DBT: variants seen among roughly 807,000 people sequenced by gnomAD.
DBT encodes dihydrolipoamide branched chain transacylase E2.
In DBT, 40 loss-of-function variants were observed where a neutral mutation model predicts 51.3. That is an observed-to-expected ratio of 0.78 (90% CI 0.61 to 1.02). The LOEUF (loss-of-function observed/expected upper bound fraction) is 1.02. Ranked by LOEUF, DBT falls within the 50% of genes least tolerant of loss-of-function variation. DBT has a pLI of 0.00. For synonymous variants in DBT, 181 were observed against 190.4 expected (o/e 0.95, Z 0.41); for missense variants, 510 against 580.2 (o/e 0.88, Z 1.24).
chr1:100,213,246 C>T (rs1030790377), intron 7 of DBT: 4 of 1,192,676 alleles, frequency 3.4e-6, no homozygotes, highest in Non-Finnish European at 4.3e-6. Flanking sequence ...CCACCCGGGG[C>T]GTGCGCCGCG....
intron 10 of DBT, among the ~76,000 whole-genome samples, chr1:100,201,257 A>T (rs567959077): frequency 6.6e-6 from 1 of 152,206 alleles, no homozygotes; most frequent in South Asian, 2.1e-4. Flanking sequence ...CGTGAAGCAT[A>T]CACAAGTATC....
intron 4 of DBT, among the ~76,000 whole-genome samples, chr1:100,228,151 G>A (rs1663331432): frequency 6.6e-6 from 1 of 152,070 alleles, no homozygotes; most frequent in African/African-American, 2.4e-5. Context: ...AGCCCAGCCT[G>A]AATTCAGCCT....
chr1:100,233,645 C>G (rs1235744081), intron 3 of DBT, among the ~76,000 whole-genome samples: 1 of 152,202 alleles, frequency 6.6e-6, no homozygotes, highest in Non-Finnish European at 1.5e-5. Context: ...AAAAAGTACA[C>G]TCACCAGCAG....
chr1:100,235,306 A>AT, intron 3 of DBT, 130 bp downstream of exon 3: 1 of 584,064 alleles, frequency 1.7e-6, no homozygotes, highest in Middle Eastern at 4.9e-4. Flanking sequence ...AAAATGCATT[A>AT]TGTGTTTATA....
chr1:100,235,535 T>C, intron 2 of DBT, 24 bp from the exon 3 acceptor site: 1 of 1,333,576 alleles, frequency 7.5e-7, no homozygotes, highest in Non-Finnish European at 1.1e-6. Flanking sequence ...TGAGAAATGA[T>C]CTCATTAAGT....
intron 4 of DBT, among the ~76,000 whole-genome samples, chr1:100,221,472 T>C (rs1662854188): frequency 6.6e-6 from 1 of 152,186 alleles, no homozygotes; most frequent in Non-Finnish European, 1.5e-5. Context: ...TTTTCTCCTC[T>C]GATTACAAAA....
intron 8 of DBT, 26 bp from the exon 9 acceptor site, chr1:100,206,662 G>A: frequency 7.3e-7 from 1 of 1,379,184 alleles, no homozygotes; most frequent in Non-Finnish European, 1.0e-6. Context: ...TTGTACAGTA[G>A]GGCTTTTAAT....
rs535852086 is a variant in DBT at position 100,188,565 on chromosome 1, A to C, written c.*7690T>G. ...GGGCACTTACATTGCCCGTTGGAGG[A>C]GACTCTGCCTTCTGCTCAGCCAAAA... On this transcript the variant is annotated 3_prime_UTR_variant, in exon 11 of 11. Coordinates refer to ENST00000370132, the MANE Select transcript of DBT (RefSeq NM_001918.5). 1 of 151,784 alleles carries C rather than the reference A, an allele frequency of 6.6e-6. No individual in the cohort carries two copies. Among genetic ancestry groups the C allele is most frequent in the African/African-American group, 2.4e-5 (1 of 41,346 alleles). The allele number at this position is 151,784 out of a possible 1,614,324, so 9.4% of individuals were successfully genotyped here. A position where few individuals can be genotyped will look rare whatever the true frequency, so the allele number is the denominator to read the frequency against.
At chr1:100,235,662 C>T (rs557013820) in intron 2 of DBT, 151 bp from the exon 3 acceptor site, 1 of 559,860 alleles carries the variant, frequency 1.8e-6, no homozygotes, top group East Asian at 3.0e-5. Context: ...TTTTTAAGAG[C>T]ATAACCATTA....
chr1:100,224,635 T>C (rs565749053), intron 4 of DBT, among the ~76,000 whole-genome samples: 79 of 152,326 alleles, frequency 5.2e-4, no homozygotes, highest in African/African-American at 1.9e-3. Context: ...TAATTTTTAC[T>C]GTAAATATAA....
intron 1 of DBT, among the ~76,000 whole-genome samples, chr1:100,246,072 G>A (rs999418385): frequency 6.6e-6 from 1 of 152,154 alleles, no homozygotes; most frequent in East Asian, 1.9e-4. Context: ...GACCATCCTG[G>A]CCAACACAGC....
In DBT at chr1:100,189,699, G is replaced by A. The variant is rs1258416653; in HGVS notation, c.*6556C>T. On this transcript the variant is annotated 3_prime_UTR_variant, in exon 11 of 11. Coordinates refer to ENST00000370132, the MANE Select transcript of DBT (RefSeq NM_001918.5). ...GCAAGACAGGAAATTTATTCATTTA[G>A]TGGCAGTCAGAGGTAACAATATAAG... 1.3e-5 allele frequency: 2 copies of A among 152,212 alleles called. No individual in the cohort carries two copies. Among genetic ancestry groups the A allele is most frequent in the African/African-American group, 4.8e-5 (2 of 41,454 alleles). The allele number at this position is 152,212 out of a possible 1,614,324, so 9.4% of individuals were successfully genotyped here.
chr1:100,218,786 AT>A (rs79284286), intron 4 of DBT, 39 bp from the exon 5 acceptor site: 24,568 of 1,232,580 alleles, frequency 0.02, no homozygotes, highest in East Asian at 0.025. Flanking sequence ...TTGAAAAAAA[AT>A]TTTTTTTTTT....
chr1:100,229,037 C>G (rs187736220), intron 4 of DBT, among the ~76,000 whole-genome samples: 8 of 152,230 alleles, frequency 5.3e-5, no homozygotes, highest in African/African-American at 7.2e-5. Context: ...TAGTAGGAAG[C>G]CTTCAATAAA....
chr1:100,202,891 G>T (rs1661539758), intron 10 of DBT, among the ~76,000 whole-genome samples: 2 of 152,162 alleles, frequency 1.3e-5, no homozygotes, highest in Admixed American at 1.3e-4. Flanking sequence ...TGAGAACAAA[G>T]ACACAACGTA....
At chr1:100,212,318 T>C (rs1022717110) in intron 7 of DBT, among the ~76,000 whole-genome samples, 3 of 152,138 alleles carry the variant, frequency 2.0e-5, no homozygotes, top group Non-Finnish European at 4.4e-5. Context: ...TAGCCAGGCA[T>C]GCTGGCTCAT....
At chr1:100,212,716 G>A (rs1179952082) in intron 7 of DBT, among the ~76,000 whole-genome samples, 1 of 152,202 alleles carries the variant, frequency 6.6e-6, no homozygotes, top group East Asian at 1.9e-4. Context: ...AGCCACAGAA[G>A]GAGTCTGTAC....
intron 1 of DBT, among the ~76,000 whole-genome samples, chr1:100,244,383 C>T (rs1392029514): frequency 6.6e-6 from 1 of 152,012 alleles, no homozygotes; most frequent in Admixed American, 6.6e-5. Context: ...GGAGTTTGAA[C>T]TCATACATTA....
At chr1:100,243,246 A>AGT in intron 1 of DBT, among the ~76,000 whole-genome samples, 1 of 133,546 alleles carries the variant, frequency 7.5e-6, no homozygotes, top group Non-Finnish European at 1.6e-5. Context: ...TAGGTGACAG[A>AGT]GAGACCTTGT....
Sources: allele counts gnomAD v4.1 joint callset (sites outside exome capture counted in the v4.1 genomes callset), GRCh38; gene constraint gnomAD v4.1.1; transcripts MANE v1.5; gene names NCBI Gene and HGNC (gene_info 2026-07-23, HGNC 2026-07-21).